SLC35F3: variants seen among roughly 807,000 people sequenced by gnomAD.
The protein encoded by SLC35F3 is putative thiamine transporter SLC35F3.
SLC35F3 carries 25 observed loss-of-function variants against 49.9 expected under a neutral mutation model. That is an observed-to-expected ratio of 0.50 (90% CI 0.37 to 0.70). SLC35F3 has a LOEUF of 0.70. Among genes scored for constraint, SLC35F3 ranks in the 30% least tolerant of loss-of-function variants. The pLI, the probability that SLC35F3 is intolerant of heterozygous loss-of-function variation, is 0.00. For synonymous variants in SLC35F3, 275 were observed against 265.4 expected, an observed-to-expected ratio of 1.04 and a Z score of -0.35; for missense variants, 525 against 639.8, an observed-to-expected ratio of 0.82 and a Z score of 1.94.
chr1:234,024,364 C>A (rs140285483), intron 2 of SLC35F3, among the ~76,000 whole-genome samples: 2 of 152,292 alleles, frequency 1.3e-5, no homozygotes, highest in East Asian at 3.9e-4. Flanking sequence ...AAGCTCGGGG[C>A]TTCAAACTTC....
At chr1:234,159,571 T>A (rs1666198238) in intron 2 of SLC35F3, among the ~76,000 whole-genome samples, 1 of 152,058 alleles carries the variant, frequency 6.6e-6, no homozygotes. Flanking sequence ...AGAACCTATA[T>A]GGAGAAGAAA....
chr1:234,224,357 G>C (rs1228937942), intron 2 of SLC35F3, among the ~76,000 whole-genome samples: 1 of 152,182 alleles, frequency 6.6e-6, no homozygotes, highest in African/African-American at 2.4e-5. Flanking sequence ...GTGAGCCACT[G>C]CTCCCAGCCT....
chr1:234,283,074 T>C (rs1416835120), intron 3 of SLC35F3, among the ~76,000 whole-genome samples: 1 of 152,120 alleles, frequency 6.6e-6, no homozygotes, highest in Admixed American at 6.5e-5. Context: ...TGGATGTTAG[T>C]CTTTGAGTGA....
At chr1:234,053,944 T>C (rs1307151282) in intron 2 of SLC35F3, among the ~76,000 whole-genome samples, 1 of 152,214 alleles carries the variant, frequency 6.6e-6, no homozygotes, top group Non-Finnish European at 1.5e-5. Flanking sequence ...GAAAATTCTT[T>C]TCTTTAAGAA....
chr1:233,918,762 G>A (rs968551171), intron 2 of SLC35F3, among the ~76,000 whole-genome samples: 2 of 148,136 alleles, frequency 1.4e-5, no homozygotes, highest in South Asian at 2.2e-4. Context: ...GTGAGACTCC[G>A]TCTCTCTCTC....
At chr1:233,958,526 G>A (rs1662742289) in intron 2 of SLC35F3, among the ~76,000 whole-genome samples, 1 of 152,212 alleles carries the variant, frequency 6.6e-6, no homozygotes, top group Admixed American at 6.5e-5. Context: ...ACTCCAGCAA[G>A]TTCAACCAAG....
chr1:234,051,887 A>G (rs1664383086), intron 2 of SLC35F3, among the ~76,000 whole-genome samples: 2 of 152,152 alleles, frequency 1.3e-5, no homozygotes, highest in Admixed American at 1.3e-4. Context: ...TTCTGCATCT[A>G]TTGAGATAAT....
chr1:234,245,934 A>G, intron 3 of SLC35F3, among the ~76,000 whole-genome samples: 1 of 151,996 alleles, frequency 6.6e-6, no homozygotes, highest in East Asian at 1.9e-4. Context: ...CTTCCACCAT[A>G]GTTTATGTCA....
rs534247922 is a variant in SLC35F3 at position 234,052,603 on chromosome 1, G to T, written c.283+146845G>T. On this transcript the variant is annotated intron_variant, in intron 2 of 7. Coordinates refer to ENST00000366618, the MANE Select transcript of SLC35F3 (RefSeq NM_173508.4). ...CAAAAAATGAGCTCCTGGATTCATTGATTTTTTTGAAGGTTTTTTTGTGTC... is the reference window on the plus strand; with the variant it reads ...CAAAAAATGAGCTCCTGGATTCATTTATTTTTTTGAAGGTTTTTTTGTGTC... Among the ~76,000 whole-genome samples, 46 of 152,064 alleles carry T rather than the reference G, an allele frequency of 3.0e-4. No individual in the cohort carries two copies. In the South Asian group the frequency reaches 9.2e-3, roughly 30 times the overall value.
intron 3 of SLC35F3, among the ~76,000 whole-genome samples, chr1:234,255,417 G>T (rs1300107615): frequency 6.6e-6 from 1 of 152,156 alleles, no homozygotes; most frequent in Non-Finnish European, 1.5e-5. Flanking sequence ...ATGCAAAATA[G>T]CACAGCCACT....
Position 234,131,074 on chromosome 1 carries a change from C to T in SLC35F3, c.284-100343C>T, listed in dbSNP as rs1436006240. The stretch of plus-strand genomic sequence containing the variant: ...TATGTTTATAAAGTTCAAAGAGAGA[C>T]AAAGCTGATCTGCGATGTTAGAAGT... On this transcript the variant is annotated intron_variant, in intron 2 of 7. Transcript: ENST00000366618. 3.9e-5 allele frequency among the ~76,000 whole-genome samples: 6 copies of T among 152,092 alleles called. No homozygotes were observed. The South Asian group carries it at 8.3e-4, about 21-fold the overall frequency.
chr1:234,067,027 A>G (rs1228302877), intron 2 of SLC35F3, among the ~76,000 whole-genome samples: 1 of 152,224 alleles, frequency 6.6e-6, no homozygotes, highest in Non-Finnish European at 1.5e-5. Flanking sequence ...CTTATAATAA[A>G]TAACTTTCTT....
chr1:234,191,608 T>G (rs977928929), intron 2 of SLC35F3, among the ~76,000 whole-genome samples: 3 of 149,404 alleles, frequency 2.0e-5, no homozygotes, highest in African/African-American at 7.6e-5. Context: ...AGAGAAGAAC[T>G]AAATGAAATT....
intron 2 of SLC35F3, among the ~76,000 whole-genome samples, chr1:233,938,042 A>T (rs12563821): frequency 0.088 from 13,378 of 152,222 alleles, 1,133 homozygotes; most frequent in African/African-American, 0.2. Context: ...GAAGCCTTGA[A>T]TCAATGCCAT....
intron 2 of SLC35F3, among the ~76,000 whole-genome samples, chr1:234,216,568 C>T (rs1167374095): frequency 6.6e-6 from 1 of 152,232 alleles, no homozygotes; most frequent in Non-Finnish European, 1.5e-5. Context: ...CTTTGAGTCT[C>T]CTGCACCTGC....
At chr1:234,318,975 G>C (rs367641730) in intron 6 of SLC35F3, 32 bp downstream of exon 6, 3 of 1,585,166 alleles carry the variant, frequency 1.9e-6, no homozygotes, top group Non-Finnish European at 2.6e-6. Context: ...AGAATTCCCA[G>C]AAAGCAACCA....
intron 2 of SLC35F3, among the ~76,000 whole-genome samples, chr1:234,148,123 T>C (rs1161402212): frequency 6.6e-6 from 1 of 152,194 alleles, no homozygotes; most frequent in Admixed American, 6.5e-5. Context: ...ACTGCCAAGT[T>C]ATCCCTTCCT....
chr1:234,018,979 A>G (rs957195699), intron 2 of SLC35F3, among the ~76,000 whole-genome samples: 1 of 152,222 alleles, frequency 6.6e-6, no homozygotes, highest in Non-Finnish European at 1.5e-5. Context: ...TAGCAGCTAG[A>G]GGTTTGAAGA....
chr1:234,249,992 A>G (rs1667710349), intron 3 of SLC35F3, among the ~76,000 whole-genome samples: 1 of 152,236 alleles, frequency 6.6e-6, no homozygotes, highest in Non-Finnish European at 1.5e-5. Flanking sequence ...AGTATACAGT[A>G]TGCCGTGTCT....
Sources: allele counts gnomAD v4.1 joint callset (sites outside exome capture counted in the v4.1 genomes callset), GRCh38; gene constraint gnomAD v4.1.1; transcripts MANE v1.5; gene names NCBI Gene and HGNC (gene_info 2026-07-23, HGNC 2026-07-21).